Variants in GALNT5 observed in about 807,000 individuals in gnomAD.
GALNT5 encodes polypeptide N-acetylgalactosaminyltransferase 5.
In GALNT5, 72 loss-of-function variants were observed where a neutral mutation model predicts 85.4. The ratio of observed to expected loss-of-function variants is 0.84; its 90% CI spans 0.70 to 1.03. The LOEUF (loss-of-function observed/expected upper bound fraction) is 1.03, where lower values mean the gene tolerates loss of function less well. Among genes scored for constraint, GALNT5 ranks in the 50% least tolerant of loss-of-function variants. GALNT5 has a pLI of 0.00. For missense variants in GALNT5, 1,137 were observed against 1,135.5 expected, an observed-to-expected ratio of 1.00 and a Z score of -0.02; for synonymous variants, 404 against 397.0, an observed-to-expected ratio of 1.02 and a Z score of -0.21.
chr2:157,294,570 G>A (rs1683168620), intron 3 of GALNT5, among the ~76,000 whole-genome samples: 1 of 152,142 alleles, frequency 6.6e-6, no homozygotes, highest in Admixed American at 6.5e-5. Flanking sequence ...GCAGCCGAGT[G>A]GAGGGTCTGA....
rs745649132 is a variant in GALNT5, at chr2:157,308,709, C to G, written c.2663C>G (p.Ser888Ter). The G allele has an allele frequency of 6.2e-7, 1 of 1,612,484 alleles. No homozygotes were observed. The highest frequency in any genetic ancestry group is 2.2e-5 in the East Asian group (1 of 44,852). ...KGLKWLHKST[S>*]VFHPELVNHI... ...CTAAAATGGCTGCATAAATCAACAT[C>G]AGTCTTTCATCCAGAACTGGTAAGC... The change falls in exon 9 of 10, where the codon TCA (serine) becomes TGA (stop). Residue 888 changes from serine (S) to a stop codon, truncating the protein, a stop_gained. Transcript: ENST00000259056. LOFTEE classifies it high-confidence loss of function.
At chr2:157,283,999 A>G (rs1035003270) in intron 1 of GALNT5, among the ~76,000 whole-genome samples, 3 of 152,184 alleles carry the variant, frequency 2.0e-5, no homozygotes, top group African/African-American at 7.2e-5. Context: ...TGATGTCTGC[A>G]TGGGACATTC....
At chr2:157,295,075 G>T (rs1001332344) in intron 3 of GALNT5, among the ~76,000 whole-genome samples, 1 of 151,278 alleles carries the variant, frequency 6.6e-6, no homozygotes, top group South Asian at 2.1e-4. Flanking sequence ...TGTTACATAC[G>T]TTCACATTGG....
At position 157,317,537 on chromosome 2, in the gene GALNT5, G is replaced by A. The variant is rs931254876; in HGVS notation, c.*6189G>A. On this transcript the variant is annotated 3_prime_UTR_variant, in exon 10 of 10. Transcript: ENST00000259056. ...GCCAAAGATTAAGTAAGTGAATTGT[G>A]TTAAAGATTGCCTGAAAACATTTGC... Among the ~76,000 whole-genome samples, 9 of 152,074 alleles carry A rather than the reference G, an allele frequency of 5.9e-5. No individual in the cohort carries two copies. The highest frequency in any genetic ancestry group is 1.9e-4 in the African/African-American group (8 of 41,422).
intron 5 of GALNT5, chr2:157,299,140 C>A: frequency 6.5e-6 from 1 of 154,644 alleles, no homozygotes. Flanking sequence ...GATGTTGCAG[C>A]CAGATCGCCC....
chr2:157,262,894 C>T (rs1473032096), intron 1 of GALNT5, among the ~76,000 whole-genome samples: 1 of 128,392 alleles, frequency 7.8e-6, no homozygotes, highest in Non-Finnish European at 1.5e-5. Context: ...GTGGTGCGAT[C>T]TCGGCTCACT....
At chr2:157,291,821 A>G (rs1052128004) in intron 3 of GALNT5, among the ~76,000 whole-genome samples, 3 of 152,262 alleles carry the variant, frequency 2.0e-5, no homozygotes, top group African/African-American at 7.2e-5. Context: ...AGTGCTCTGT[A>G]GCACTATAGG....
chr2:157,281,425 AG>A (rs1340408964), intron 1 of GALNT5, among the ~76,000 whole-genome samples: 1 of 152,196 alleles, frequency 6.6e-6, no homozygotes, highest in Non-Finnish European at 1.5e-5. Flanking sequence ...AGAGGCCGGA[AG>A]AATTCTGTGA....
Position 157,317,200 on chromosome 2 carries a change from T to TATATATA in GALNT5, c.*5852_*5853insATATATA, listed in dbSNP as rs1290855634. On this transcript the variant is annotated 3_prime_UTR_variant, in exon 10 of 10. Transcript: ENST00000259056. ...TATATATATATATATATATATATAT[T>TATATATA]TTTTTTTTTGATGCTTTGATCTGGA... is the stretch of plus-strand genomic sequence containing the variant. Among the ~76,000 whole-genome samples, 3 of 128,412 alleles carry TATATATA rather than the reference T, an allele frequency of 2.3e-5. No homozygotes were observed. The highest frequency in any genetic ancestry group is 5.8e-5 in the African/African-American group (2 of 34,470). 84.2% of individuals were successfully genotyped at this position (128,412 alleles called of 152,430 possible).
At chr2:157,262,436 A>T (rs537438639) in intron 1 of GALNT5, among the ~76,000 whole-genome samples, 2 of 152,198 alleles carry the variant, frequency 1.3e-5, no homozygotes, top group South Asian at 4.2e-4. Context: ...CAGGAGTTTG[A>T]GATCAGCCTG....
intron 1 of GALNT5, among the ~76,000 whole-genome samples, chr2:157,271,057 A>T (rs1682572665): frequency 6.6e-6 from 1 of 152,126 alleles, no homozygotes; most frequent in Non-Finnish European, 1.5e-5. Context: ...CGGAGCCTGC[A>T]GTGAGCAGTG....
At chr2:157,295,549 G>A (rs1214127410) in intron 3 of GALNT5, 114 bp from the exon 4 acceptor site, 38 of 708,734 alleles carry the variant, frequency 5.4e-5, no homozygotes, top group Non-Finnish European at 5.7e-5. Flanking sequence ...AAAAAAAAAG[G>A]TCACTGCATT....
At chr2:157,292,995 C>G (rs1431503020) in intron 3 of GALNT5, among the ~76,000 whole-genome samples, 1 of 152,196 alleles carries the variant, frequency 6.6e-6, no homozygotes, top group Non-Finnish European at 1.5e-5. Context: ...AGCCACCACA[C>G]CCGGCCAGGA....
chr2:157,315,301 CA>C lies in GALNT5; in HGVS notation c.*3954del, dbSNP rs2105178201. On this transcript the variant is annotated 3_prime_UTR_variant, in exon 10 of 10. Coordinates refer to ENST00000259056, the MANE Select transcript of GALNT5 (RefSeq NM_014568.3). ...TTATATGAACAAGAAGGATAACTCC[CA>C]CATACAGATGAGGAATTTGGTAAAT... Among the ~76,000 whole-genome samples the C allele has an allele frequency of 6.6e-6, 1 of 152,228 alleles. No homozygotes were observed. Among genetic ancestry groups the C allele is most frequent in the Non-Finnish European group, 1.5e-5 (1 of 68,014 alleles).
intron 3 of GALNT5, among the ~76,000 whole-genome samples, chr2:157,290,172 GTAAA>G (rs554381498): frequency 1.2e-3 from 178 of 148,880 alleles, no homozygotes; most frequent in African/African-American, 4.2e-3. Flanking sequence ...TATAAAAACA[GTAAA>G]TAAATAATAA....
chr2:157,298,624 G>A (rs957685162), intron 5 of GALNT5, among the ~76,000 whole-genome samples: 1 of 152,182 alleles, frequency 6.6e-6, no homozygotes, highest in Non-Finnish European at 1.5e-5. Flanking sequence ...CCTGTGGAGC[G>A]CTTTCCCGCT....
chr2:157,291,633 A>ACCCCCCCCCCCCCCCCC (rs10650005), intron 3 of GALNT5, among the ~76,000 whole-genome samples: 1 of 117,036 alleles, frequency 8.5e-6, no homozygotes, highest in Non-Finnish European at 1.7e-5. Context: ...GTTACCACCC[A>ACCCCCCCCCCCCCCCCC]CCCCCCCCCA....
At chr2:157,261,825 T>C (rs1682347253) in intron 1 of GALNT5, among the ~76,000 whole-genome samples, 1 of 152,236 alleles carries the variant, frequency 6.6e-6, no homozygotes, top group African/African-American at 2.4e-5. Flanking sequence ...TTTTTGTTTT[T>C]GTTTTTTTAA....
chr2:157,266,050 G>A (rs1250542147), intron 1 of GALNT5, among the ~76,000 whole-genome samples: 4 of 152,216 alleles, frequency 2.6e-5, no homozygotes, highest in Admixed American at 6.5e-5. Context: ...CTGAGACAGA[G>A]GAAGCTGAGG....
Sources: allele counts gnomAD v4.1 joint callset (sites outside exome capture counted in the v4.1 genomes callset), GRCh38; gene constraint gnomAD v4.1.1; transcripts MANE v1.5; gene names NCBI Gene and HGNC (gene_info 2026-07-23, HGNC 2026-07-21).